The following ADAMTS12 variants were observed in gnomAD, a reference collection of about 807,000 sequenced individuals.
The protein encoded by ADAMTS12 is A disintegrin and metalloproteinase with thrombospondin motifs 12.
ADAMTS12 carries 118 observed loss-of-function variants against 167.8 expected under a neutral mutation model. That is an observed-to-expected ratio of 0.70 (90% CI 0.61 to 0.82). The LOEUF (loss-of-function observed/expected upper bound fraction) is 0.82, where lower values mean the gene tolerates loss of function less well. ADAMTS12 is among the 40% of genes least tolerant of loss of function. ADAMTS12 has a pLI of 0.00. For synonymous variants in ADAMTS12, 704 were observed against 716.9 expected (o/e 0.98, Z 0.29); for missense variants, 1,916 against 1,998.8 (o/e 0.96, Z 0.79).
At chr5:33,696,788 T>C (rs981819338) in intron 3 of ADAMTS12, among the ~76,000 whole-genome samples, 3 of 152,246 alleles carry the variant, frequency 2.0e-5, no homozygotes, top group African/African-American at 7.2e-5. Flanking sequence ...CTCTGTGATG[T>C]TATCAATACT....
At chr5:33,664,303 C>T (rs933891439) in intron 5 of ADAMTS12, among the ~76,000 whole-genome samples, 1 of 152,086 alleles carries the variant, frequency 6.6e-6, no homozygotes, top group Non-Finnish European at 1.5e-5. Context: ...AGAGAGTGTG[C>T]TATAGGTGCA....
At chr5:33,619,840 G>A (rs371653864) in intron 14 of ADAMTS12, among the ~76,000 whole-genome samples, 19 of 152,060 alleles carry the variant, frequency 1.2e-4, no homozygotes, top group African/African-American at 2.4e-4. Context: ...GACTACCAGC[G>A]CGTGCCACCA....
At chr5:33,696,300 A>G (rs1043518490) in intron 3 of ADAMTS12, among the ~76,000 whole-genome samples, 3 of 151,562 alleles carry the variant, frequency 2.0e-5, no homozygotes, top group African/African-American at 4.8e-5. Flanking sequence ...GGGCGCCTGT[A>G]GTCCCAGCTA....
chr5:33,741,989 A>G (rs978306988), intron 3 of ADAMTS12, among the ~76,000 whole-genome samples: 3 of 152,092 alleles, frequency 2.0e-5, no homozygotes, highest in African/African-American at 7.2e-5. Flanking sequence ...CTCTTACAGC[A>G]TTTGTCACAA....
At chr5:33,751,808 G>A (rs1024732445) in intron 2 of ADAMTS12, among the ~76,000 whole-genome samples, 2 of 152,284 alleles carry the variant, frequency 1.3e-5, no homozygotes, top group African/African-American at 4.8e-5. Flanking sequence ...ACATGTGTCC[G>A]AAATGTAGCC....
chr5:33,747,230 G>A (rs548769404), intron 3 of ADAMTS12, among the ~76,000 whole-genome samples: 1 of 152,236 alleles, frequency 6.6e-6, no homozygotes, highest in African/African-American at 2.4e-5. Flanking sequence ...CAAATAAAGT[G>A]GGCCTTGACT....
chr5:33,542,772 A>G (rs1486487652), intron 22 of ADAMTS12, among the ~76,000 whole-genome samples: 1 of 152,242 alleles, frequency 6.6e-6, no homozygotes, highest in Non-Finnish European at 1.5e-5. Context: ...TACTGGGTAC[A>G]TAACGAAATG....
intron 2 of ADAMTS12, among the ~76,000 whole-genome samples, chr5:33,754,295 T>A (rs1024173181): frequency 2.0e-5 from 3 of 152,232 alleles, no homozygotes; most frequent in African/African-American, 7.2e-5. Context: ...TGGTCTCCTT[T>A]GCAACCTGCC....
At chr5:33,591,670 C>A (rs1214160015) in intron 17 of ADAMTS12, among the ~76,000 whole-genome samples, 1 of 152,158 alleles carries the variant, frequency 6.6e-6, no homozygotes, top group African/African-American at 2.4e-5. Context: ...CAGTCCTTTT[C>A]CCTCTTTCAT....
chr5:33,785,738 A>G (rs1746302229), intron 2 of ADAMTS12, among the ~76,000 whole-genome samples: 1 of 152,230 alleles, frequency 6.6e-6, no homozygotes, highest in South Asian at 2.1e-4. Context: ...TGGTACAATT[A>G]TTTTGGAAAC....
At chr5:33,867,018 A>T (rs758168866) in intron 2 of ADAMTS12, among the ~76,000 whole-genome samples, 1 of 152,204 alleles carries the variant, frequency 6.6e-6, no homozygotes, top group Non-Finnish European at 1.5e-5. Context: ...GTGGGAATGT[A>T]AATTAGTAAA....
chr5:33,612,364 G>A (rs1738769473), intron 16 of ADAMTS12, among the ~76,000 whole-genome samples: 1 of 152,182 alleles, frequency 6.6e-6, no homozygotes, highest in Non-Finnish European at 1.5e-5. Flanking sequence ...GACTTCAGAT[G>A]TCTTTTTATG....
At chr5:33,601,298 A>G (rs943727934) in intron 16 of ADAMTS12, among the ~76,000 whole-genome samples, 1 of 152,162 alleles carries the variant, frequency 6.6e-6, no homozygotes, top group African/African-American at 2.4e-5. Flanking sequence ...AGATTATAGT[A>G]TAGGGTTGTT....
At chr5:33,557,028 T>C (rs1745516544) in intron 20 of ADAMTS12, among the ~76,000 whole-genome samples, 1 of 152,100 alleles carries the variant, frequency 6.6e-6, no homozygotes, top group East Asian at 1.9e-4. Flanking sequence ...TATGAGAAAA[T>C]GTTCACAGCA....
intron 3 of ADAMTS12, among the ~76,000 whole-genome samples, chr5:33,720,278 T>G (rs1003685029): frequency 1.2e-5 from 1 of 83,210 alleles, no homozygotes; most frequent in Non-Finnish European, 2.5e-5. Context: ...TCTCTCTCTC[T>G]CTCACTCACA....
intron 2 of ADAMTS12, among the ~76,000 whole-genome samples, chr5:33,866,665 C>T (rs141602820): frequency 1.1e-4 from 17 of 152,036 alleles, no homozygotes; most frequent in African/African-American, 3.9e-4. Context: ...AGAAAACCCA[C>T]AGAATGAGAG....
intron 2 of ADAMTS12, among the ~76,000 whole-genome samples, chr5:33,765,741 G>T (rs2112416790): frequency 6.6e-6 from 1 of 152,062 alleles, no homozygotes; most frequent in African/African-American, 2.4e-5. Context: ...AATGGCTCTT[G>T]CCTCTTTTAT....
At chr5:33,558,818 G>A (rs1246645976) in intron 20 of ADAMTS12, among the ~76,000 whole-genome samples, 1 of 152,206 alleles carries the variant, frequency 6.6e-6, no homozygotes, top group Non-Finnish European at 1.5e-5. Flanking sequence ...CTCTGGATAT[G>A]GAAGAGAAGT....
chr5:33,639,294 A>T (rs1740345989), intron 11 of ADAMTS12, among the ~76,000 whole-genome samples: 2 of 152,206 alleles, frequency 1.3e-5, no homozygotes, highest in African/African-American at 4.8e-5. Flanking sequence ...AGAGAGTGCA[A>T]ATGAAGGTCA....
Sources: allele counts gnomAD v4.1 joint callset (sites outside exome capture counted in the v4.1 genomes callset), GRCh38; gene constraint gnomAD v4.1.1; transcripts MANE v1.5; gene names NCBI Gene and HGNC (gene_info 2026-07-23, HGNC 2026-07-21).